FBXO25: variants seen among roughly 807,000 people sequenced by gnomAD.
FBXO25 encodes F-box only protein 25.
FBXO25 carries 45 observed loss-of-function variants against 51.9 expected under a neutral mutation model. The ratio of observed to expected loss-of-function variants is 0.87; its 90% CI spans 0.68 to 1.11. The LOEUF (loss-of-function observed/expected upper bound fraction) is 1.11. Among genes scored for constraint, FBXO25 ranks in the 50% most tolerant of loss-of-function variants. The probability of loss-of-function intolerance (pLI) is 0.00; values close to 1 mark genes in which losing one functional copy is unlikely to be tolerated. For missense variants in FBXO25, 507 were observed against 428.5 expected (o/e 1.18, Z -1.62); for synonymous variants, 199 against 151.0 (o/e 1.32, Z -2.33).
At chr8:466,567 C>G (rs1800173082) in intron 9 of FBXO25, among the ~76,000 whole-genome samples, 2 of 152,176 alleles carry the variant, frequency 1.3e-5, no homozygotes, top group Admixed American at 6.5e-5. Context: ...GTTGTTGACT[C>G]TAAATTCTGG....
intron 2 of FBXO25, among the ~76,000 whole-genome samples, chr8:426,942 C>CT (rs141283413): frequency 0.021 from 2,793 of 135,898 alleles, 46 homozygotes; most frequent in African/African-American, 0.071. Flanking sequence ...GGTTTCACAT[C>CT]TTTTTTTTAA....
At chr8:410,661 T>G (rs984301369) in intron 1 of FBXO25, among the ~76,000 whole-genome samples, 1 of 152,126 alleles carries the variant, frequency 6.6e-6, no homozygotes, top group African/African-American at 2.4e-5. Context: ...TTAGATAACT[T>G]TAGGTCGACT....
At position 475,056 on chromosome 8, in the gene FBXO25, A is replaced by T. The variant is rs1465953446; in HGVS notation, c.*6252A>T. 1 of 395,002 alleles carries T rather than the reference A, an allele frequency of 2.5e-6. No individual in the cohort carries two copies. Among genetic ancestry groups the T allele is most frequent in the African/African-American group, 2.1e-5 (1 of 47,480 alleles). The allele number at this position is 395,002 out of a possible 1,614,324, so 24.5% of individuals were successfully genotyped here. The stretch of plus-strand genomic sequence containing the variant: ...ATCACTGCCAAATCCAATGTTGTTA[A>T]AAGTTTCCCTTATGTTTCTCCTAAA... On this transcript the variant is annotated 3_prime_UTR_variant, in exon 10 of 10. Coordinates refer to ENST00000350302, the MANE Select transcript of FBXO25 (RefSeq NM_183420.2).
At chr8:424,153 C>A in intron 2 of FBXO25, among the ~76,000 whole-genome samples, 1 of 143,990 alleles carries the variant, frequency 6.9e-6, no homozygotes, top group South Asian at 2.3e-4. Flanking sequence ...GAGTCTCACT[C>A]TGACACCCAG....
At chr8:426,792 A>C (rs1437655513) in intron 2 of FBXO25, among the ~76,000 whole-genome samples, 1 of 134,016 alleles carries the variant, frequency 7.5e-6, no homozygotes. Flanking sequence ...AGATGGGCCC[A>C]CATTGGCTGT....
chr8:408,667 A>C (rs1796312413), intron 1 of FBXO25, among the ~76,000 whole-genome samples: 1 of 152,230 alleles, frequency 6.6e-6, no homozygotes, highest in Admixed American at 6.5e-5. Context: ...TGTTGAAGGA[A>C]AGACATTTTT....
rs368668430 is a variant in FBXO25 at position 434,696 on chromosome 8, A to G, written c.289-919A>G. Among the ~76,000 whole-genome samples, 16 of 152,190 alleles carry G rather than the reference A, an allele frequency of 1.1e-4. No individual in the cohort carries two copies. The East Asian group carries it at 2.3e-3, about 22-fold the overall frequency. Reference sequence around the variant, plus strand: ...TATTTTTTTCTAGCTTATCTCTACAACTTTGACATGAAAATCTGTAGATTT... The same window carrying G: ...TATTTTTTTCTAGCTTATCTCTACAGCTTTGACATGAAAATCTGTAGATTT... On this transcript the variant is annotated intron_variant, in intron 4 of 9. Transcript: ENST00000350302.
Position 431,354 on chromosome 8 carries a change from G to T in FBXO25, c.148G>T (p.Glu50Ter). The change falls in exon 3 of 10, where the codon GAA (glutamate) becomes TAA (stop). Residue 50 changes from glutamate to a stop codon, truncating the protein, a stop_gained. Transcript: ENST00000350302. LOFTEE classifies it high-confidence loss of function. ...NISHSIILNS[E>*]DGEIFNNEEH... ...TCTTTATTTCAGTATCTTAAATAGTGAAGATGGAGAAATATTCAATAATGA... is the reference window on the plus strand; with the variant it reads ...TCTTTATTTCAGTATCTTAAATAGTTAAGATGGAGAAATATTCAATAATGA... 1 of 1,496,750 alleles carries T rather than the reference G, an allele frequency of 6.7e-7. No homozygotes were observed. The highest frequency in any genetic ancestry group is 1.2e-5 in the South Asian group (1 of 80,826). The allele number at this position is 1,496,750 out of a possible 1,614,324, so 92.7% of individuals were successfully genotyped here.
At chr8:423,991 A>C (rs906299979) in intron 2 of FBXO25, among the ~76,000 whole-genome samples, 1 of 152,088 alleles carries the variant, frequency 6.6e-6, no homozygotes, top group Non-Finnish European at 1.5e-5. Context: ...CATTCTGACT[A>C]GTGTCAGATG....
intron 7 of FBXO25, 32 bp from the exon 8 acceptor site, chr8:458,337 C>T (rs373180261): frequency 5.6e-6 from 9 of 1,602,588 alleles, no homozygotes; most frequent in African/African-American, 5.4e-5. Context: ...TGGCCATCTT[C>T]TCAGTGAGTT....
intron 5 of FBXO25, among the ~76,000 whole-genome samples, chr8:447,789 T>C (rs1232747033): frequency 6.6e-6 from 1 of 152,198 alleles, no homozygotes; most frequent in East Asian, 1.9e-4. Context: ...AGGTCAAGTA[T>C]GGAATTTTCC....
intron 9 of FBXO25, 128 bp from the exon 10 acceptor site, chr8:468,587 T>C: frequency 1.6e-6 from 1 of 642,178 alleles, no homozygotes; most frequent in Non-Finnish European, 2.7e-6. Context: ...ATCCAAGTTA[T>C]CTCCCATGTA....
At chr8:451,909 C>G (rs926453573) in intron 7 of FBXO25, among the ~76,000 whole-genome samples, 2 of 152,166 alleles carry the variant, frequency 1.3e-5, no homozygotes, top group Admixed American at 6.5e-5. Flanking sequence ...AGGTGCAAAT[C>G]ATGTCAGTTT....
chr8:441,148 A>T (rs1311933903), intron 5 of FBXO25, among the ~76,000 whole-genome samples: 1 of 151,794 alleles, frequency 6.6e-6, no homozygotes, highest in Non-Finnish European at 1.5e-5. Flanking sequence ...AAACAGCATG[A>T]TACTGGTACC....
chr8:458,017 C>T lies in FBXO25; in HGVS notation c.661-352C>T, dbSNP rs62483135. Among the ~76,000 whole-genome samples the T allele has an allele frequency of 4.9e-3, 742 of 152,324 alleles. 3 individuals carry two copies. The highest frequency in any genetic ancestry group is 8.2e-3 in the Non-Finnish European group (556 of 68,026). On this transcript the variant is annotated intron_variant, in intron 7 of 9. Transcript: ENST00000350302. The stretch of plus-strand genomic sequence containing the variant: ...TCATGGTGCATTGGATTCATCTAGG[C>T]AGCAGCGCCACATCCACAGACGCTG...
chr8:439,028 G>A lies in FBXO25; in HGVS notation c.381+3321G>A, dbSNP rs141252219. ...GTGGAGTAAGTGTGTCCCAACTGCA[G>A]TGAGGAGCTGCACTTCCATGAACTC... On this transcript the variant is annotated intron_variant, in intron 5 of 9. Coordinates refer to ENST00000350302, the MANE Select transcript of FBXO25 (RefSeq NM_183420.2). Among the ~76,000 whole-genome samples, 1,206 of 152,326 alleles carry A rather than the reference G, an allele frequency of 7.9e-3. 11 individuals carry two copies. The highest frequency in any genetic ancestry group is 0.027 in the African/African-American group (1,143 of 41,566).
intron 2 of FBXO25, among the ~76,000 whole-genome samples, chr8:418,993 A>G (rs766229166): frequency 1.2e-4 from 19 of 152,224 alleles, no homozygotes; most frequent in Non-Finnish European, 2.6e-4. Flanking sequence ...TTACCACACA[A>G]AAACCACAAG....
chr8:445,052 A>G (rs909919689), intron 5 of FBXO25, among the ~76,000 whole-genome samples: 40 of 152,310 alleles, frequency 2.6e-4, no homozygotes, highest in African/African-American at 4.8e-4. Flanking sequence ...GAGGCTTATG[A>G]ATGATTACAG....
chr8:421,358 G>A (rs1261314102), intron 2 of FBXO25, among the ~76,000 whole-genome samples: 18 of 152,208 alleles, frequency 1.2e-4, no homozygotes, highest in African/African-American at 2.2e-4. Context: ...TGCCATAACC[G>A]TTGTGAAATG....
Sources: gnomAD v4.1 joint callset for allele counts (sites outside exome capture counted in the v4.1 genomes callset) on GRCh38, gnomAD v4.1.1 for gene constraint, MANE v1.5 for transcripts, NCBI Gene and HGNC (gene_info 2026-07-23, HGNC 2026-07-21) for gene names.